Variants in ZNF83 observed in about 807,000 individuals in gnomAD.
The protein encoded by ZNF83 is zinc finger protein 816B.
For synonymous variants in ZNF83, 209 were observed against 213.0 expected, an observed-to-expected ratio of 0.98 and a Z score of 0.17; for missense variants, 552 against 629.9, an observed-to-expected ratio of 0.88 and a Z score of 1.32.
chr19:52,626,850 C>T (rs1266036006), intron 2 of ZNF83, among the ~76,000 whole-genome samples: 4 of 152,146 alleles, frequency 2.6e-5, no homozygotes, highest in Non-Finnish European at 5.9e-5. Flanking sequence ...CCCAACACTT[C>T]ACTATTTTGT....
intron 2 of ZNF83, among the ~76,000 whole-genome samples, chr19:52,615,869 A>G (rs1369552883): frequency 6.6e-6 from 1 of 152,016 alleles, no homozygotes; most frequent in Non-Finnish European, 1.5e-5. Flanking sequence ...ACGAAGTCTC[A>G]CTCTTGTGCC....
At chr19:52,642,524 T>C (rs577719168), upstream of ZNF83, among the ~76,000 whole-genome samples, 132 of 152,146 alleles carry the variant, frequency 8.7e-4, 1 homozygote, top group East Asian at 3.9e-4. Context: ...GCACCCAGCC[T>C]CTAACTTTTT....
At chr19:52,682,262 A>G (rs999241329) in intron 1 of ZNF83, among the ~76,000 whole-genome samples, 8 of 152,158 alleles carry the variant, frequency 5.3e-5, no homozygotes, top group East Asian at 1.9e-4. Flanking sequence ...GTAACCATGG[A>G]CTTATCCATC....
intron 1 of ZNF83, among the ~76,000 whole-genome samples, chr19:52,679,757 A>T (rs530018036): frequency 2.0e-4 from 30 of 152,348 alleles, no homozygotes; most frequent in African/African-American, 6.7e-4. Context: ...ATGTTCAATC[A>T]TAACAGTCAA....
At chr19:52,652,016 C>A in intron 3 of ZNF83, 1 of 199,722 alleles carries the variant, frequency 5.0e-6, no homozygotes, top group South Asian at 9.7e-5. Flanking sequence ...ACAATTATCT[C>A]AAAAATGAAT....
At chr19:52,620,270 C>CTGTGTG (rs377267661) in intron 2 of ZNF83, among the ~76,000 whole-genome samples, 42 of 144,520 alleles carry the variant, frequency 2.9e-4, no homozygotes, top group South Asian at 1.6e-3. Flanking sequence ...GTGTATATCT[C>CTGTGTG]TGTGTGTGTG....
At chr19:52,618,995 G>T in intron 2 of ZNF83, 1 of 1,589,484 alleles carries the variant, frequency 6.3e-7, no homozygotes, top group Non-Finnish European at 8.6e-7. Flanking sequence ...AGTCCTCTGA[G>T]CAGGGTCCAG....
chr19:52,620,010 C>T (rs2060475477), intron 2 of ZNF83, among the ~76,000 whole-genome samples: 1 of 152,160 alleles, frequency 6.6e-6, no homozygotes, highest in Admixed American at 6.5e-5. Context: ...GATTGCACCA[C>T]TGAGCTTCAG....
chr19:52,663,499 A>G (rs1419876995), intron 1 of ZNF83, among the ~76,000 whole-genome samples: 2 of 152,216 alleles, frequency 1.3e-5, no homozygotes, highest in African/African-American at 2.4e-5. Flanking sequence ...GAAAATGTTT[A>G]CTTAGAGGCT....
At chr19:52,614,236 A>G (rs1334411144) in exon 3 of ZNF83, 1 of 1,614,118 alleles carries the variant, frequency 6.2e-7, no homozygotes, top group Non-Finnish European at 8.5e-7. Context: ...TATTTGATGT[A>G]TAGTAAAATG....
intron 2 of ZNF83, among the ~76,000 whole-genome samples, chr19:52,621,584 C>T (rs1600156477): frequency 6.6e-6 from 1 of 152,106 alleles, no homozygotes; most frequent in East Asian, 1.9e-4. Context: ...GCAAGTACCA[C>T]CCCACTCTCT....
chr19:52,638,022 G>T (rs2061210497), intron 1 of ZNF83, among the ~76,000 whole-genome samples: 1 of 152,108 alleles, frequency 6.6e-6, no homozygotes, highest in African/African-American at 2.4e-5. Context: ...CTCGGGTGAG[G>T]ACTTTAAAAA....
upstream of ZNF83, among the ~76,000 whole-genome samples, chr19:52,641,422 G>A (rs1185784095): frequency 6.6e-6 from 1 of 152,154 alleles, no homozygotes; most frequent in African/African-American, 2.4e-5. Flanking sequence ...AAATTACATA[G>A]CATGGGTTTT....
At chr19:52,669,988 T>C (rs1352563412) in intron 1 of ZNF83, among the ~76,000 whole-genome samples, 1 of 152,118 alleles carries the variant, frequency 6.6e-6, no homozygotes, top group Admixed American at 6.5e-5. Flanking sequence ...TAGATATGAG[T>C]TCTAAATTTC....
intron 1 of ZNF83, among the ~76,000 whole-genome samples, chr19:52,666,351 A>G (rs1172694803): frequency 6.6e-6 from 1 of 152,046 alleles, no homozygotes; most frequent in Non-Finnish European, 1.5e-5. Flanking sequence ...AAAACCTATA[A>G]TTGATAATTG....
chr19:52,613,707 C>A (rs2060196398), exon 3 of ZNF83: 1 of 1,362,598 alleles, frequency 7.3e-7, no homozygotes, highest in Non-Finnish European at 9.5e-7. Flanking sequence ...TGTAAGGTTT[C>A]TCTCCAGTGT....
intron 1 of ZNF83, among the ~76,000 whole-genome samples, chr19:52,674,015 C>CAAAAAAA (rs67570337): frequency 8.2e-5 from 6 of 73,042 alleles, no homozygotes; most frequent in African/African-American, 1.0e-4. Flanking sequence ...GACTCCATCT[C>CAAAAAAA]AAAAAAAAAA....
intron 3 of ZNF83, among the ~76,000 whole-genome samples, chr19:52,645,030 A>G (rs1385983681): frequency 1.3e-5 from 2 of 151,298 alleles, no homozygotes; most frequent in Non-Finnish European, 2.9e-5. Context: ...AAAAAAAAAA[A>G]AGGGGGTGCT....
In ZNF83 at chr19:52,654,364, C is replaced by T. The variant is rs532086688; in HGVS notation, c.-74+1197G>A. 722 of 1,264,322 alleles carry T rather than the reference C, an allele frequency of 5.7e-4. 11 individuals carry two copies. In the South Asian group the frequency reaches 9.7e-3, roughly 17 times the overall value. 78.3% of individuals were successfully genotyped at this position (1,264,322 alleles called of 1,614,324 possible). ...GATCACTTCTCCTGTATTACCGTGC[C>T]CTGTTGATGAGAACTCCGTCATGGA... On this transcript the variant is annotated intron_variant, in intron 3 of 5. Transcript: ENST00000594682.
Sources: allele counts gnomAD v4.1 joint callset (sites outside exome capture counted in the v4.1 genomes callset), GRCh38; gene constraint gnomAD v4.1.1; transcripts MANE v1.5; gene names NCBI Gene and HGNC (gene_info 2026-07-23, HGNC 2026-07-21).